Variants in F13B observed in about 807,000 individuals in gnomAD.
F13B encodes coagulation factor XIII B chain.
Under a neutral mutation model 79.8 loss-of-function variants are expected in F13B, and 58 were observed. That is an observed-to-expected ratio of 0.73 (90% CI 0.59 to 0.90). The LOEUF (loss-of-function observed/expected upper bound fraction) is 0.90. Among genes scored for constraint, F13B ranks in the 40% least tolerant of loss-of-function variants. F13B has a pLI of 0.00. For missense variants in F13B, 773 were observed against 777.0 expected (o/e 0.99, Z 0.06); for synonymous variants, 283 against 260.3 (o/e 1.09, Z -0.84).
intron 2 of F13B, 48 bp from the exon 3 acceptor site, chr1:197,062,017 T>G: frequency 1.3e-6 from 2 of 1,489,822 alleles, no homozygotes; most frequent in Non-Finnish European, 1.9e-6. Flanking sequence ...TAAGCTTGTC[T>G]TTTACTAAAT....
At chr1:197,052,173 C>A (rs927181909) in intron 9 of F13B, among the ~76,000 whole-genome samples, 7 of 152,024 alleles carry the variant, frequency 4.6e-5, no homozygotes, top group African/African-American at 1.7e-4. Context: ...ACATTTAAAT[C>A]TTTAATCCAT....
chr1:197,056,246 T>C (rs1233719287), intron 7 of F13B, among the ~76,000 whole-genome samples: 1 of 152,208 alleles, frequency 6.6e-6, no homozygotes, highest in Non-Finnish European at 1.5e-5. Flanking sequence ...ACTTTTATTT[T>C]CTTCTTTTTC....
intron 11 of F13B, 64 bp downstream of exon 11, chr1:197,040,458 C>T (rs1654994662): frequency 5.2e-6 from 6 of 1,155,010 alleles, no homozygotes; most frequent in Non-Finnish European, 7.8e-6. Context: ...CATAACATTT[C>T]TGAAATGTTG....
At chr1:197,050,068 A>G (rs1053305496) in intron 10 of F13B, among the ~76,000 whole-genome samples, 1 of 152,132 alleles carries the variant, frequency 6.6e-6, no homozygotes, top group African/African-American at 2.4e-5. Context: ...CATAGAGGTG[A>G]ATTATCAAAG....
chr1:197,039,415 G>C lies in F13B; in HGVS notation c.1953-4C>G. On this transcript the variant is annotated splice_polypyrimidine_tract_variant and splice_region_variant and intron_variant, in intron 11 of 11. Transcript: ENST00000367412. The stretch of plus-strand genomic sequence containing the variant: ...GGGTTCTTGATAAGACAGAGTGCTT[G>C]AGGGGAAAAAGAGAGATTTTTGAAA... 2 of 1,609,096 alleles carry C rather than the reference G, an allele frequency of 1.2e-6. No homozygotes were observed.
Position 197,057,383 on chromosome 1 carries a change from T to C in F13B, c.888A>G (p.Glu296=), listed in dbSNP as rs1317961081. 6.2e-7 allele frequency: 1 copy of C among 1,613,874 alleles called. No individual in the cohort carries two copies. The highest frequency in any genetic ancestry group is 8.5e-7 in the Non-Finnish European group (1 of 1,179,916). Residue 296 remains glutamate, a synonymous_variant, in exon 6 of 12, where the codon GAA becomes GAG. Transcript: ENST00000367412. ...QTHSTTYRHG[E]IVHIECELNF... is the part of the protein sequence containing the mutation. ...TAAGTTCACATTCTATATGAACTAT[T>C]TCTCCATGACGATAAGTTGTTGAAT...
intron 11 of F13B, among the ~76,000 whole-genome samples, chr1:197,039,946 A>G (rs995880309): frequency 6.6e-6 from 1 of 152,042 alleles, no homozygotes; most frequent in African/African-American, 2.4e-5. Context: ...GTCTTCAAAA[A>G]GGGTTAAAAT....
intron 10 of F13B, among the ~76,000 whole-genome samples, chr1:197,045,897 G>C (rs1655212348): frequency 6.6e-6 from 1 of 152,022 alleles, no homozygotes; most frequent in South Asian, 2.1e-4. Flanking sequence ...GACATAAACA[G>C]GACCAATGAC....
At chr1:197,050,153 G>A (rs1022347770) in intron 10 of F13B, among the ~76,000 whole-genome samples, 1 of 152,038 alleles carries the variant, frequency 6.6e-6, no homozygotes, top group African/African-American at 2.4e-5. Context: ...TGAAGTCCTA[G>A]CCAGTGAAAG....
intron 1 of F13B, among the ~76,000 whole-genome samples, chr1:197,065,463 GTAAA>G (rs1257242333): frequency 6.6e-6 from 1 of 152,102 alleles, no homozygotes; most frequent in African/African-American, 2.4e-5. Flanking sequence ...TCAGAGAATG[GTAAA>G]TAAATAAAAA....
chr1:197,053,977 A>T (rs1370429164), intron 8 of F13B, among the ~76,000 whole-genome samples: 2 of 152,096 alleles, frequency 1.3e-5, no homozygotes, highest in African/African-American at 4.8e-5. Context: ...TGGAGAGGTT[A>T]GAGAGACTCT....
rs17514507 is a variant in F13B at position 197,065,414 on chromosome 1, A to T, written c.64+1746T>A. Among the ~76,000 whole-genome samples, 1,183 of 152,276 alleles carry T rather than the reference A, an allele frequency of 7.8e-3. 13 individuals are homozygous for T. Among genetic ancestry groups the T allele is most frequent in the African/African-American group, 0.026 (1,068 of 41,562 alleles). On this transcript the variant is annotated intron_variant, in intron 1 of 11. Transcript: ENST00000367412. ...GAAATCACAGATGTCTGAACATATT[A>T]AAAAAAGTACATGAAGCGATGGACA...
chr1:197,053,551 C>G (rs998980901), intron 8 of F13B, among the ~76,000 whole-genome samples: 1 of 152,122 alleles, frequency 6.6e-6, no homozygotes, highest in African/African-American at 2.4e-5. Context: ...CCATGTGGAA[C>G]TGTGAGTGCA....
intron 9 of F13B, among the ~76,000 whole-genome samples, chr1:197,051,239 A>T (rs1655429477): frequency 6.6e-6 from 1 of 152,134 alleles, no homozygotes; most frequent in African/African-American, 2.4e-5. Flanking sequence ...GTTCTCAAAT[A>T]TTTTTAAAAT....
At chr1:197,050,242 C>A (rs553592034) in intron 10 of F13B, among the ~76,000 whole-genome samples, 5 of 152,148 alleles carry the variant, frequency 3.3e-5, no homozygotes, top group African/African-American at 4.8e-5. Context: ...CTATTTCATG[C>A]CTCTGAGGGC....
At chr1:197,043,378 A>G (rs952028102) in intron 10 of F13B, among the ~76,000 whole-genome samples, 57 of 152,236 alleles carry the variant, frequency 3.7e-4, no homozygotes, top group African/African-American at 1.3e-3. Context: ...CTTTGGAGTA[A>G]GCTGACATCA....
intron 10 of F13B, among the ~76,000 whole-genome samples, chr1:197,044,064 T>TAG (rs1246209946): frequency 1.3e-5 from 2 of 151,312 alleles, no homozygotes; most frequent in African/African-American, 4.9e-5. Flanking sequence ...TATTTATATA[T>TAG]ATATAGAGAG....
At chr1:197,054,458 AACT>A (rs1655561821) in intron 8 of F13B, among the ~76,000 whole-genome samples, 1 of 152,056 alleles carries the variant, frequency 6.6e-6, no homozygotes. Context: ...GAAAGGTGGA[AACT>A]ACTAACAAAA....
intron 10 of F13B, among the ~76,000 whole-genome samples, chr1:197,042,021 T>C (rs1035989367): frequency 7.2e-5 from 11 of 152,218 alleles, no homozygotes; most frequent in Admixed American, 7.2e-4. Flanking sequence ...AATTTTATTA[T>C]ACTACTAAGT....
Sources: allele counts gnomAD v4.1 joint callset (sites outside exome capture counted in the v4.1 genomes callset), GRCh38; gene constraint gnomAD v4.1.1; transcripts MANE v1.5; gene names NCBI Gene and HGNC (gene_info 2026-07-23, HGNC 2026-07-21).